Variants in NDUFS4 observed in about 807,000 individuals in gnomAD.
NDUFS4 encodes the protein NADH dehydrogenase [ubiquinone] iron-sulfur protein 4, mitochondrial.
NDUFS4 carries 28 observed loss-of-function variants against 24.3 expected under a neutral mutation model. The ratio of observed to expected loss-of-function variants is 1.15; its 90% CI spans 0.85 to 1.58. NDUFS4 has a LOEUF of 1.58. Among genes scored for constraint, NDUFS4 ranks in the 40% most tolerant of loss-of-function variants. The pLI is 0.00. For missense variants in NDUFS4, 223 were observed against 207.9 expected, an observed-to-expected ratio of 1.07 and a Z score of -0.45; for synonymous variants, 93 against 69.7, an observed-to-expected ratio of 1.34 and a Z score of -1.67.
intron 2 of NDUFS4, among the ~76,000 whole-genome samples, chr5:53,625,340 G>A (rs1489596798): frequency 6.6e-6 from 1 of 151,886 alleles, no homozygotes; most frequent in Non-Finnish European, 1.5e-5. Flanking sequence ...CTGTGTTTTT[G>A]TGTGGTTTTC....
At chr5:53,563,864 T>G (rs1748937697) in intron 1 of NDUFS4, among the ~76,000 whole-genome samples, 5 of 152,234 alleles carry the variant, frequency 3.3e-5, no homozygotes, top group Non-Finnish European at 7.3e-5. Context: ...CAGGGTAAAT[T>G]TAACTATTCT....
chr5:53,612,757 A>C (rs959147815), intron 2 of NDUFS4, among the ~76,000 whole-genome samples: 4 of 152,138 alleles, frequency 2.6e-5, no homozygotes, highest in Admixed American at 1.3e-4. Context: ...ATGAGGTTTT[A>C]ATATTGCTGT....
rs145715507 is a variant in NDUFS4, at chr5:53,583,211, G to A, written c.99-20241G>A. On this transcript the variant is annotated intron_variant, in intron 1 of 4. Transcript: ENST00000296684. ...TTTTTCTTATGAAATAACTGTTTGG[G>A]TTTTCAATATAGCCATCATGGACAA... is the stretch of plus-strand genomic sequence containing the variant. 7.2e-3 allele frequency among the ~76,000 whole-genome samples: 1,097 copies of A among 152,112 alleles called. 4 individuals are homozygous for A. Among genetic ancestry groups the A allele is most frequent in the South Asian group, 0.014 (66 of 4,820 alleles).
rs1415407787 is a variant in NDUFS4, at chr5:53,564,655, T to C, written c.98+3895T>C. 2.0e-5 allele frequency among the ~76,000 whole-genome samples: 3 copies of C among 152,068 alleles called. No homozygotes were observed. In the East Asian group the frequency reaches 5.8e-4, roughly 29 times the overall value. ...CTGGGCTCAGGTGATCCTCCTGCCT[T>C]AGTCTTCACAGGCAGCTGGGACTGT... On this transcript the variant is annotated intron_variant, in intron 1 of 4. Transcript: ENST00000296684.
intron 1 of NDUFS4, among the ~76,000 whole-genome samples, chr5:53,596,046 T>G (rs934063206): frequency 2.0e-5 from 3 of 152,166 alleles, no homozygotes; most frequent in Non-Finnish European, 4.4e-5. Context: ...TTTAAACAAA[T>G]TATCTTCACT....
intron 1 of NDUFS4, among the ~76,000 whole-genome samples, chr5:53,578,444 G>A (rs1749455315): frequency 6.6e-6 from 1 of 152,098 alleles, no homozygotes; most frequent in African/African-American, 2.4e-5. Context: ...ATGCTGTCAG[G>A]CTGTATTCTT....
At position 53,646,454 on chromosome 5, in the gene NDUFS4, T is replaced by G. The variant is rs767459999; in HGVS notation, c.350+49T>G. 4 of 1,570,724 alleles carry G rather than the reference T, an allele frequency of 2.5e-6. No homozygotes were observed. The African/African-American group carries it at 4.1e-5, about 16-fold the overall frequency. ...ATATTGTCAGCTATCTTTTTCTATG[T>G]AGATCTTTCTTCTAAATATGATTTT... On this transcript the variant is annotated intron_variant, in intron 3 of 4. Coordinates refer to ENST00000296684, the MANE Select transcript of NDUFS4 (RefSeq NM_002495.4).
intron 4 of NDUFS4, among the ~76,000 whole-genome samples, chr5:53,665,863 G>T (rs373955921): frequency 5.3e-5 from 8 of 152,332 alleles, no homozygotes; most frequent in African/African-American, 1.7e-4. Flanking sequence ...TCCCCAGTGA[G>T]ATGAACCCGG....
chr5:53,667,410 A>C (rs1752550183), intron 4 of NDUFS4, among the ~76,000 whole-genome samples: 1 of 151,258 alleles, frequency 6.6e-6, no homozygotes, highest in South Asian at 2.1e-4. Flanking sequence ...GGTTGCAGTG[A>C]GCTGAGATCG....
intron 4 of NDUFS4, among the ~76,000 whole-genome samples, chr5:53,670,767 C>G (rs1226072077): frequency 6.6e-6 from 1 of 150,950 alleles, no homozygotes; most frequent in Non-Finnish European, 1.5e-5. Context: ...GTACTCTTAC[C>G]TAGAATGAAT....
At chr5:53,575,763 A>G (rs1749366169) in intron 1 of NDUFS4, among the ~76,000 whole-genome samples, 1 of 151,748 alleles carries the variant, frequency 6.6e-6, no homozygotes, top group Non-Finnish European at 1.5e-5. Flanking sequence ...GCTGGTTTCA[A>G]ACTCCTGGCC....
intron 1 of NDUFS4, among the ~76,000 whole-genome samples, chr5:53,572,164 A>G (rs1174337574): frequency 6.6e-6 from 1 of 152,220 alleles, no homozygotes; most frequent in Non-Finnish European, 1.5e-5. Flanking sequence ...GGGATTTGGT[A>G]TATGGTAATA....
chr5:53,561,131 G>T (rs184046365), intron 1 of NDUFS4, among the ~76,000 whole-genome samples: 62 of 152,212 alleles, frequency 4.1e-4, no homozygotes, highest in African/African-American at 1.5e-3. Flanking sequence ...TTTGTCACCT[G>T]TTTGCCCACC....
At chr5:53,671,369 A>AAAAG (rs1740234021) in intron 4 of NDUFS4, among the ~76,000 whole-genome samples, 3 of 152,228 alleles carry the variant, frequency 2.0e-5, no homozygotes, top group Middle Eastern at 3.4e-3. Flanking sequence ...GGAAAAGAAG[A>AAAAG]AAAGACTGAA....
chr5:53,603,336 CTTTTTTT>C (rs11414085), intron 1 of NDUFS4, 109 bp from the exon 2 acceptor site: 6 of 509,282 alleles, frequency 1.2e-5, no homozygotes, highest in Non-Finnish European at 2.1e-5. Context: ...CTTTCCTTTC[CTTTTTTT>C]TTTTTTTTAA....
In NDUFS4 at chr5:53,612,836, A is replaced by C. The variant is rs142080739; in HGVS notation, c.177+9306A>C. Among the ~76,000 whole-genome samples the C allele has an allele frequency of 6.4e-3, 974 of 152,246 alleles. 12 individuals carry two copies. Among genetic ancestry groups the C allele is most frequent in the African/African-American group, 0.022 (902 of 41,574 alleles). Reference sequence around the variant, plus strand: ...TTTTGTCAATTTGTAATAGTTAAAAACATTTTATTACTCGAACTTATTCTA... The same window carrying C: ...TTTTGTCAATTTGTAATAGTTAAAACCATTTTATTACTCGAACTTATTCTA... On this transcript the variant is annotated intron_variant, in intron 2 of 4. Transcript: ENST00000296684.
intron 1 of NDUFS4, among the ~76,000 whole-genome samples, chr5:53,578,820 T>C (rs1332223475): frequency 1.3e-5 from 2 of 152,216 alleles, no homozygotes; most frequent in Non-Finnish European, 2.9e-5. Context: ...TCTTTTTTCT[T>C]TCTTTTGGTA....
chr5:53,626,922 A>G (rs758324117), intron 2 of NDUFS4, among the ~76,000 whole-genome samples: 1 of 152,114 alleles, frequency 6.6e-6, no homozygotes, highest in African/African-American at 2.4e-5. Context: ...TTTTGTTACA[A>G]TTGCTTTTGG....
At chr5:53,590,840 C>T (rs1195809425) in intron 1 of NDUFS4, among the ~76,000 whole-genome samples, 2 of 152,130 alleles carry the variant, frequency 1.3e-5, no homozygotes, top group African/African-American at 4.8e-5. Context: ...GCATTAAGTA[C>T]ATTCACATTG....
Sources: allele counts gnomAD v4.1 joint callset (sites outside exome capture counted in the v4.1 genomes callset), GRCh38; gene constraint gnomAD v4.1.1; transcripts MANE v1.5; gene names NCBI Gene and HGNC (gene_info 2026-07-23, HGNC 2026-07-21).